DIS3L2: variants seen among roughly 807,000 people sequenced by gnomAD.
DIS3L2 encodes the protein DIS3-like exonuclease 2.
In DIS3L2, 34 loss-of-function variants were observed where a neutral mutation model predicts 97.5. The observed-to-expected ratio is 0.35, with a 90% CI of 0.27 to 0.46. The LOEUF is 0.46. Among genes scored for constraint, DIS3L2 ranks in the 20% least tolerant of loss-of-function variants. The probability of loss-of-function intolerance (pLI) is 1.00; values close to 1 mark genes in which losing one functional copy is unlikely to be tolerated. For missense variants in DIS3L2, 1,038 were observed against 1,146.0 expected, an observed-to-expected ratio of 0.91 and a Z score of 1.36; for synonymous variants, 435 against 445.2, an observed-to-expected ratio of 0.98 and a Z score of 0.29.
chr2:232,318,248 A>G (rs1421373616), intron 14 of DIS3L2, among the ~76,000 whole-genome samples: 2 of 152,248 alleles, frequency 1.3e-5, no homozygotes, highest in Non-Finnish European at 1.5e-5. Context: ...TCTGTGCCAC[A>G]TGGGCCCTTT....
chr2:232,087,408 C>A, intron 5 of DIS3L2, 79 bp from the exon 6 acceptor site: 1 of 1,085,022 alleles, frequency 9.2e-7, no homozygotes, highest in Non-Finnish European at 1.3e-6. Flanking sequence ...TATGCAGTTT[C>A]TTCCTTAGAA....
intron 11 of DIS3L2, among the ~76,000 whole-genome samples, chr2:232,244,270 A>G (rs1225033312): frequency 2.0e-5 from 3 of 152,148 alleles, no homozygotes; most frequent in African/African-American, 7.2e-5. Flanking sequence ...AATCACAGGC[A>G]AATCCCCAGC....
At chr2:232,326,821 C>G (rs1229016155) in intron 14 of DIS3L2, among the ~76,000 whole-genome samples, 2 of 151,640 alleles carry the variant, frequency 1.3e-5, no homozygotes, top group Admixed American at 6.6e-5. Context: ...CAAGGTGGGC[C>G]TCTCCTCCAT....
chr2:232,140,440 A>G (rs1472937545), intron 8 of DIS3L2, among the ~76,000 whole-genome samples: 1 of 152,180 alleles, frequency 6.6e-6, no homozygotes, highest in African/African-American at 2.4e-5. Flanking sequence ...CAGGTTGACT[A>G]GGAAGATGTT....
intron 5 of DIS3L2, among the ~76,000 whole-genome samples, chr2:232,030,703 A>T (rs887150353): frequency 6.6e-6 from 1 of 152,246 alleles, no homozygotes; most frequent in African/African-American, 2.4e-5. Flanking sequence ...AGGATCAGGC[A>T]TTGGAATGAT....
At chr2:232,065,341 G>A (rs533082550) in intron 5 of DIS3L2, among the ~76,000 whole-genome samples, 1 of 151,828 alleles carries the variant, frequency 6.6e-6, no homozygotes, top group South Asian at 2.1e-4. Context: ...GTTTATAGTA[G>A]TTTGAATTTT....
At chr2:232,274,290 C>A (rs984636800) in intron 13 of DIS3L2, among the ~76,000 whole-genome samples, 1 of 152,164 alleles carries the variant, frequency 6.6e-6, no homozygotes, top group African/African-American at 2.4e-5. Context: ...GGTAATTATA[C>A]TCATAATTAG....
At chr2:232,119,115 A>G (rs1697816539) in intron 6 of DIS3L2, among the ~76,000 whole-genome samples, 1 of 152,154 alleles carries the variant, frequency 6.6e-6, no homozygotes, top group East Asian at 1.9e-4. Context: ...GAGATGTTCA[A>G]GAGAATGAAA....
intron 10 of DIS3L2, among the ~76,000 whole-genome samples, chr2:232,233,702 A>G (rs868422940): frequency 6.6e-6 from 1 of 152,192 alleles, no homozygotes; most frequent in Non-Finnish European, 1.5e-5. Flanking sequence ...GGCCCCACCT[A>G]TAGTAGGTGG....
chr2:232,159,959 G>A (rs1002900136), intron 8 of DIS3L2, among the ~76,000 whole-genome samples: 2 of 152,246 alleles, frequency 1.3e-5, no homozygotes, highest in East Asian at 1.9e-4. Context: ...TGGTCATGAT[G>A]TATCACCTTT....
Position 232,249,268 on chromosome 2 carries a change from T to C in DIS3L2, c.1347T>C (p.Cys449=). Residue 449 remains cysteine, a synonymous_variant, in exon 12 of 21, where the codon TGT becomes TGC. Transcript: ENST00000325385. ...TCCCCATGCTTCCCAGGCTGCTGTG[T>C]GAGGAGCTGTGCAGCCTCAACCCCA... The part of the protein sequence containing the change: ...KVVPMLPRLL[C]EELCSLNPMS... 6.2e-7 allele frequency: 1 copy of C among 1,614,190 alleles called. No individual in the cohort carries two copies. The highest frequency in any genetic ancestry group is 8.5e-7 in the Non-Finnish European group (1 of 1,180,032).
In DIS3L2 at chr2:231,983,082, C is replaced by G. The variant is rs552790590; in HGVS notation, c.-94+21317C>G. Among the ~76,000 whole-genome samples, 5 of 152,010 alleles carry G rather than the reference C, an allele frequency of 3.3e-5. No individual in the cohort carries two copies. The South Asian group carries it at 1.0e-3, about 31-fold the overall frequency. ...CTTTAATGCATTTTAATTAATCAGG[C>G]TTTGCTTTAGTTTCACTCTATGTAT... is the stretch of plus-strand genomic sequence containing the variant. On this transcript the variant is annotated intron_variant, in intron 1 of 20. Transcript: ENST00000325385.
At chr2:232,111,501 A>C (rs1697532230) in intron 6 of DIS3L2, among the ~76,000 whole-genome samples, 1 of 152,150 alleles carries the variant, frequency 6.6e-6, no homozygotes, top group South Asian at 2.1e-4. Context: ...AGTTTTGCTT[A>C]GTATACTTCA....
In DIS3L2 at chr2:232,318,087, G is replaced by A. The variant is rs1054008543; in HGVS notation, c.1740-11726G>A. On this transcript the variant is annotated intron_variant, in intron 14 of 20. Transcript: ENST00000325385. ...GGCTCTGTTATAAAGTGAAGCTGCC[G>A]ATCCACAATGGAGAACCCACTCCTG... Among the ~76,000 whole-genome samples, 34 of 152,172 alleles carry A rather than the reference G, an allele frequency of 2.2e-4. 1 individual carries two copies. The highest frequency in any genetic ancestry group is 7.5e-4 in the African/African-American group (31 of 41,434).
intron 1 of DIS3L2, among the ~76,000 whole-genome samples, chr2:232,002,316 A>C (rs1054423292): frequency 3.3e-5 from 5 of 152,054 alleles, no homozygotes; most frequent in African/African-American, 1.2e-4. Flanking sequence ...CTCAGGCTTT[A>C]TTCTTTTTGC....
At chr2:232,044,865 C>T (rs1168584908) in intron 5 of DIS3L2, among the ~76,000 whole-genome samples, 1 of 152,098 alleles carries the variant, frequency 6.6e-6, no homozygotes. Flanking sequence ...CTCCTGACCT[C>T]GTGATCCGCC....
chr2:232,299,989 T>C (rs1167658476), intron 13 of DIS3L2, 51 bp from the exon 14 acceptor site: 2 of 1,546,562 alleles, frequency 1.3e-6, no homozygotes, highest in African/African-American at 2.7e-5. Flanking sequence ...GCTATTGGAA[T>C]GAATAGAGCA....
intron 5 of DIS3L2, among the ~76,000 whole-genome samples, chr2:232,065,649 A>T (rs1695834775): frequency 6.6e-6 from 1 of 151,200 alleles, no homozygotes. Context: ...AATTCTTTTG[A>T]CTCTTTGGGC....
chr2:232,326,453 C>T (rs1291159016), intron 14 of DIS3L2, among the ~76,000 whole-genome samples: 1 of 152,206 alleles, frequency 6.6e-6, no homozygotes, highest in African/African-American at 2.4e-5. Context: ...CTTCCAGCCA[C>T]CCCAGGGTGC....
Sources: gnomAD v4.1 joint callset for allele counts (sites outside exome capture counted in the v4.1 genomes callset) on GRCh38, gnomAD v4.1.1 for gene constraint, MANE v1.5 for transcripts, NCBI Gene and HGNC (gene_info 2026-07-23, HGNC 2026-07-21) for gene names.